Variants in ZNF782 observed in about 807,000 individuals in gnomAD.
ZNF782 encodes zinc finger protein 782.
A neutral mutation model predicts 13.0 loss-of-function variants in ZNF782; 12 were observed. The ratio of observed to expected loss-of-function variants is 0.92; its 90% CI spans 0.59 to 1.50. ZNF782 has a LOEUF of 1.50. Among genes scored for constraint, ZNF782 ranks in the 40% most tolerant of loss-of-function variants. ZNF782 has a pLI of 0.00. For missense variants in ZNF782, 770 were observed against 822.9 expected (o/e 0.94, Z 0.79); for synonymous variants, 284 against 283.0 (o/e 1.00, Z -0.04).
chr9:96,924,880 C>G, the ZNF782 span, among the ~76,000 whole-genome samples: 2 of 152,236 alleles, frequency 1.3e-5, no homozygotes, highest in African/African-American at 4.8e-5. Flanking sequence ...GGAGCGCGGC[C>G]TGGGCGTCCC....
At chr9:96,860,225 T>C (rs1369397938) in intron 3 of ZNF782, 1 of 152,278 alleles carries the variant, frequency 6.6e-6, no homozygotes, top group African/African-American at 2.4e-5. Flanking sequence ...GACAGAAGCC[T>C]GGCTGGCTTC....
At chr9:96,875,170 G>T (rs952718526) in intron 1 of ZNF782, among the ~76,000 whole-genome samples, 3 of 152,150 alleles carry the variant, frequency 2.0e-5, no homozygotes, top group African/African-American at 7.2e-5. Flanking sequence ...TTGTGACGTG[G>T]GCGCACTGTT....
At chr9:96,896,644 TTCC>T in the ZNF782 span, among the ~76,000 whole-genome samples, 2 of 152,186 alleles carry the variant, frequency 1.3e-5, no homozygotes, top group African/African-American at 4.8e-5. Context: ...AGGCAACATA[TTCC>T]TCAATTGAGT....
chr9:96,909,814 A>G, the ZNF782 span, among the ~76,000 whole-genome samples: 1 of 151,826 alleles, frequency 6.6e-6, no homozygotes. Context: ...GCTAAACCCA[A>G]AACAGCAAAA....
At chr9:96,870,603 C>A (rs1851813809) in intron 1 of ZNF782, among the ~76,000 whole-genome samples, 1 of 152,184 alleles carries the variant, frequency 6.6e-6, no homozygotes. Flanking sequence ...TTATAAAAAC[C>A]ACTCCAAAGT....
At chr9:96,827,301 G>T (rs929416122) in intron 4 of ZNF782, 120 bp from the exon 5 acceptor site, 4 of 555,240 alleles carry the variant, frequency 7.2e-6, no homozygotes, top group Admixed American at 3.7e-5. Flanking sequence ...CCTTCCTTGG[G>T]GAAGTAACCA....
chr9:96,831,158 A>G (rs1239818803), intron 4 of ZNF782, among the ~76,000 whole-genome samples: 2 of 152,200 alleles, frequency 1.3e-5, no homozygotes, highest in African/African-American at 4.8e-5. Context: ...TAGCTTACCA[A>G]GTTAGTGACT....
intron 3 of ZNF782, among the ~76,000 whole-genome samples, chr9:96,845,892 A>G (rs1050990155): frequency 3.9e-5 from 6 of 152,252 alleles, no homozygotes; most frequent in Non-Finnish European, 4.4e-5. Context: ...ACCAAAGCAT[A>G]TAGTCATCAG....
chr9:96,844,923 T>C lies in ZNF782; in HGVS notation c.109A>G (p.Met37Val). The stretch of plus-strand genomic sequence containing the variant: ...ACGAGGTGGCTGTAGTTCTCCAGCA[T>C]CACATCTCTGTACAGGGTCCTCTCA... ...PVERTLYRDV[M>V]LENYSHLVSV... The change falls in exon 4 of 6, where the codon ATG becomes GTG. Residue 37 changes from methionine (M) to valine (V), a missense_variant. By Grantham distance (21) the Met-to-Val change is conservative (BLOSUM62 1). Transcript: ENST00000481138. The C allele has an allele frequency of 6.2e-7, 1 of 1,613,968 alleles. No individual in the cohort carries two copies. Among genetic ancestry groups the C allele is most frequent in the Non-Finnish European group, 8.5e-7 (1 of 1,179,924 alleles).
In ZNF782 at chr9:96,818,452, T is replaced by C; in HGVS notation, c.1571A>G (p.His524Arg). The change falls in exon 6 of 6, where the codon CAT becomes CGT. Residue 524 changes from histidine to arginine, a missense_variant. His to Arg is a conservative substitution (Grantham distance 29). Coordinates refer to ENST00000481138, the MANE Select transcript of ZNF782 (RefSeq NM_001001662.3). ...CTTCTCCCCTGTGTGTGTTCTATGATGTTTCCTCAGGCCTGACTTCAGTTT... is the reference window on the plus strand; with the variant it reads ...CTTCTCCCCTGTGTGTGTTCTATGACGTTTCCTCAGGCCTGACTTCAGTTT... ...AFKLKSGLRKHHRTHTGEKPY... is the reference protein window; with the variant it reads ...AFKLKSGLRKRHRTHTGEKPY... 2 of 1,613,834 alleles carry C rather than the reference T, an allele frequency of 1.2e-6. No homozygotes were observed. Among genetic ancestry groups the C allele is most frequent in the Non-Finnish European group, 1.7e-6 (2 of 1,179,940 alleles).
At position 96,869,002 on chromosome 9, in the gene ZNF782, C is replaced by T. The variant is rs773774533; in HGVS notation, c.-457+6466G>A. 5.3e-5 allele frequency among the ~76,000 whole-genome samples: 8 copies of T among 152,124 alleles called. No individual in the cohort carries two copies. The South Asian group carries it at 6.2e-4, about 12-fold the overall frequency. ...ACTTTGACCTTTGCGCCTTGGCACA[C>T]GACAGTAGCCTATATTTGCCATTTT... On this transcript the variant is annotated intron_variant, in intron 1 of 5. Transcript: ENST00000498811.
chr9:96,836,685 ACT>A (rs1851014304), intron 4 of ZNF782, among the ~76,000 whole-genome samples: 1 of 151,832 alleles, frequency 6.6e-6, no homozygotes, highest in African/African-American at 2.4e-5. Context: ...CCCTGCAAAA[ACT>A]CAAGGTGAAA....
chr9:96,933,302 C>A, the ZNF782 span, among the ~76,000 whole-genome samples: 64 of 151,362 alleles, frequency 4.2e-4, no homozygotes, highest in African/African-American at 1.1e-3. Flanking sequence ...TTTTCACAAC[C>A]ATGTTTACAG....
upstream of ZNF782, among the ~76,000 whole-genome samples, chr9:96,858,456 G>T (rs1214245381): frequency 1.3e-5 from 2 of 152,192 alleles, no homozygotes; most frequent in African/African-American, 2.4e-5. This position sits in a 1 kb window ranked among gnomAD's most constrained non-coding sequence, Gnocchi z 4.4. Flanking sequence ...GTTGCTCACA[G>T]ATGGCACCAA....
chr9:96,818,221 T>C lies in ZNF782; in HGVS notation c.1802A>G (p.Gln601Arg), dbSNP rs1199409695. The C allele has an allele frequency of 6.2e-7, 1 of 1,614,078 alleles. No individual in the cohort carries two copies. Among genetic ancestry groups the C allele is most frequent in the Admixed American group, 1.7e-5 (1 of 60,002 alleles). ...CTGATGCCCTCTGAGATTTGATTTC[T>C]GCCTGAATGTTTTTCCACACTCCTC... ...QCEECGKTFR[Q>R]KSNLRGHQRT... The change falls in exon 6 of 6, where the codon CAG becomes CGG. Residue 601 changes from glutamine (Q) to arginine (R), a missense_variant. Coordinates refer to ENST00000481138, the MANE Select transcript of ZNF782 (RefSeq NM_001001662.3).
upstream of ZNF782, among the ~76,000 whole-genome samples, chr9:96,856,981 C>T (rs1851650995): frequency 1.3e-5 from 2 of 152,190 alleles, no homozygotes; most frequent in African/African-American, 4.8e-5. Context: ...TGCCATGCTG[C>T]TCTGCACAGC....
At chr9:96,887,008 T>C in the ZNF782 span, among the ~76,000 whole-genome samples, 1 of 146,548 alleles carries the variant, frequency 6.8e-6, no homozygotes, top group East Asian at 2.1e-4. Flanking sequence ...AAATGAGACA[T>C]ATGAACAAGA....
the ZNF782 span, among the ~76,000 whole-genome samples, chr9:96,909,654 T>C: frequency 6.6e-6 from 1 of 151,880 alleles, no homozygotes; most frequent in Non-Finnish European, 1.5e-5. Flanking sequence ...CTGTACTGTT[T>C]ACATCCAGAG....
Position 96,850,726 on chromosome 9 carries a change from C to T in ZNF782, c.15+1221G>A, listed in dbSNP as rs545533784. Among the ~76,000 whole-genome samples, 1 of 152,224 alleles carries T rather than the reference C, an allele frequency of 6.6e-6. No individual in the cohort carries two copies. Among genetic ancestry groups the T allele is most frequent in the East Asian group, 1.9e-4 (1 of 5,180 alleles). ...CAGCATTTATTATGATTATTTTAGT[C>T]TTGCTCTTTCATTTTAGTTAAGGCC... On this transcript the variant is annotated intron_variant, in intron 3 of 5. Transcript: ENST00000481138. This position sits in a 1 kb window ranked among gnomAD's most constrained non-coding sequence, Gnocchi z 4.3.
Sources: gnomAD v4.1 joint callset for allele counts (sites outside exome capture counted in the v4.1 genomes callset) on GRCh38, gnomAD v4.1.1 for gene constraint, Gnocchi (gnomAD v3.1) non-coding constraint, MANE v1.5 for transcripts, NCBI Gene and HGNC (gene_info 2026-07-23, HGNC 2026-07-21) for gene names.